Variants in NDST3 observed in about 807,000 individuals in gnomAD.
The protein encoded by NDST3 is bifunctional heparan sulfate N-deacetylase/N-sulfotransferase 3.
A neutral mutation model predicts 96.1 loss-of-function variants in NDST3; 58 were observed. The observed-to-expected ratio is 0.60, with a 90% CI of 0.49 to 0.75. NDST3 has a LOEUF of 0.75. Among genes scored for constraint, NDST3 ranks in the 30% least tolerant of loss-of-function variants. The pLI is 0.00. For synonymous variants in NDST3, 333 were observed against 359.7 expected (o/e 0.93, Z 0.84); for missense variants, 788 against 1,034.2 (o/e 0.76, Z 3.27).
intron 4 of NDST3, among the ~76,000 whole-genome samples, chr4:118,127,464 T>G (rs957296927): frequency 1.3e-4 from 20 of 152,066 alleles, no homozygotes; most frequent in South Asian, 2.1e-4. Flanking sequence ...TTCTCCAATG[T>G]ATGTTCTTGG....
chr4:118,117,869 C>G (rs1434121915), intron 4 of NDST3, among the ~76,000 whole-genome samples: 1 of 152,116 alleles, frequency 6.6e-6, no homozygotes, highest in African/African-American at 2.4e-5. Context: ...GCTGGTAATC[C>G]AAGGGAATAT....
intron 2 of NDST3, among the ~76,000 whole-genome samples, chr4:118,075,746 TTTG>T (rs1484269219): frequency 3.4e-5 from 2 of 59,524 alleles, no homozygotes; most frequent in Non-Finnish European, 1.2e-4. Flanking sequence ...GATGGGGCTG[TTTG>T]ATTTTTTTCT....
At chr4:118,055,149 A>C (rs1377071300) in intron 2 of NDST3, 22 of 485,012 alleles carry the variant, frequency 4.5e-5, no homozygotes, top group Non-Finnish European at 7.7e-5. Flanking sequence ...TTACAACTAG[A>C]GTAGAAGTCA....
chr4:118,177,218 T>C (rs914445724), intron 6 of NDST3, among the ~76,000 whole-genome samples: 3 of 152,018 alleles, frequency 2.0e-5, no homozygotes, highest in African/African-American at 7.2e-5. Flanking sequence ...CTGGGAAATA[T>C]AGAGACAGTA....
intron 5 of NDST3, among the ~76,000 whole-genome samples, chr4:118,140,432 C>G (rs1223157681): frequency 6.6e-5 from 10 of 152,092 alleles, no homozygotes; most frequent in South Asian, 6.2e-4. Flanking sequence ...CTCTGGACCC[C>G]TAGTTTTATT....
chr4:118,126,995 T>C (rs1269851570), intron 4 of NDST3, among the ~76,000 whole-genome samples: 1 of 152,098 alleles, frequency 6.6e-6, no homozygotes, highest in African/African-American at 2.4e-5. Flanking sequence ...ATGTATTCTT[T>C]TGAGAAATGT....
intron 2 of NDST3, among the ~76,000 whole-genome samples, chr4:118,096,044 G>C (rs1361510565): frequency 6.6e-6 from 1 of 151,910 alleles, no homozygotes; most frequent in African/African-American, 2.4e-5. Flanking sequence ...GTATGTAGAA[G>C]TATTTGTCTG....
intron 12 of NDST3, among the ~76,000 whole-genome samples, chr4:118,244,830 A>G (rs1402524821): frequency 6.6e-6 from 1 of 152,198 alleles, no homozygotes; most frequent in Non-Finnish European, 1.5e-5. Context: ...TCACTGAAGA[A>G]TCTGTGATGT....
rs951386622 is a variant in NDST3 at position 118,095,488 on chromosome 4, T to A, written c.982-9530T>A. Among the ~76,000 whole-genome samples the A allele has an allele frequency of 3.0e-4, 45 of 151,584 alleles. 1 individual carries two copies. Among genetic ancestry groups the A allele is most frequent in the African/African-American group, 1.1e-3 (45 of 41,320 alleles). On this transcript the variant is annotated intron_variant, in intron 2 of 13. Transcript: ENST00000296499. ...AATAATTTTGGTAGGGTAACTTGCA[T>A]GATACCATATTAATAAAATTCAGGA...
At chr4:118,066,172 T>G (rs1285927530) in intron 2 of NDST3, among the ~76,000 whole-genome samples, 1 of 22,460 alleles carries the variant, frequency 4.5e-5, no homozygotes, top group Non-Finnish European at 1.2e-4. Flanking sequence ...TATATTATAT[T>G]TTATATATTA....
intron 6 of NDST3, among the ~76,000 whole-genome samples, chr4:118,172,469 A>C (rs766527713): frequency 1.3e-5 from 2 of 152,238 alleles, no homozygotes; most frequent in Non-Finnish European, 2.9e-5. Flanking sequence ...GATTGTACAG[A>C]CTTAAAAATT....
chr4:118,132,460 C>A (rs936123769), intron 4 of NDST3, among the ~76,000 whole-genome samples: 2 of 152,126 alleles, frequency 1.3e-5, no homozygotes, highest in African/African-American at 4.8e-5. Flanking sequence ...ACCCTCTGCA[C>A]AGTGGGTTCC....
At chr4:118,137,988 T>C in intron 4 of NDST3, 66 bp from the exon 5 acceptor site, 5 of 1,319,660 alleles carry the variant, frequency 3.8e-6, no homozygotes, top group Non-Finnish European at 5.2e-6. Context: ...CATTTGAAAA[T>C]CTTACTGTAA....
At position 118,053,896 on chromosome 4, in the gene NDST3, G is replaced by C. The variant is rs773868010; in HGVS notation, c.-15G>C. The C allele has an allele frequency of 1.9e-6, 3 of 1,568,824 alleles. No homozygotes were observed. In the African/African-American group the frequency reaches 4.1e-5, roughly 21 times the overall value. On this transcript the variant is annotated 5_prime_UTR_variant, in exon 2 of 14. Transcript: ENST00000296499. ...TGGTGCTTCTGTTGGCATAGTTGGG[G>C]AAAGCACCTACAACATGAGTTTTAT... is the stretch of plus-strand genomic sequence containing the variant.
intron 6 of NDST3, among the ~76,000 whole-genome samples, chr4:118,156,545 C>T (rs1734723706): frequency 6.6e-6 from 1 of 152,184 alleles, no homozygotes; most frequent in Non-Finnish European, 1.5e-5. Context: ...CCCATGACTA[C>T]ATACATACTA....
chr4:118,120,964 C>T (rs1379056114), intron 4 of NDST3, among the ~76,000 whole-genome samples: 2 of 151,678 alleles, frequency 1.3e-5, no homozygotes, highest in East Asian at 1.9e-4. Flanking sequence ...TGTGTCTGCC[C>T]GACCCTCTGT....
intron 1 of NDST3, among the ~76,000 whole-genome samples, chr4:118,046,576 GC>G (rs1560605875): frequency 6.6e-6 from 1 of 152,196 alleles, no homozygotes; most frequent in Non-Finnish European, 1.5e-5. Flanking sequence ...AGCCTCTGCT[GC>G]CCAGCCTGGG....
At chr4:118,098,527 G>A (rs553703471) in intron 2 of NDST3, among the ~76,000 whole-genome samples, 1 of 152,042 alleles carries the variant, frequency 6.6e-6, no homozygotes, top group Non-Finnish European at 1.5e-5. Context: ...GTCATTATTT[G>A]CCAATTTCAG....
chr4:118,236,029 A>C (rs1185563123), intron 9 of NDST3, among the ~76,000 whole-genome samples: 1 of 152,060 alleles, frequency 6.6e-6, no homozygotes, highest in African/African-American at 2.4e-5. Flanking sequence ...AGAAAACAAG[A>C]CACTGTAAAA....
Sources: allele counts gnomAD v4.1 joint callset (sites outside exome capture counted in the v4.1 genomes callset), GRCh38; gene constraint gnomAD v4.1.1; transcripts MANE v1.5; gene names NCBI Gene and HGNC (gene_info 2026-07-23, HGNC 2026-07-21).